MEMO1: variants seen among roughly 807,000 people sequenced by gnomAD.
MEMO1 encodes mediator of cell motility 1.
MEMO1 carries 6 observed loss-of-function variants against 45.2 expected under a neutral mutation model. The observed-to-expected ratio is 0.13, with a 90% confidence interval of 0.07 to 0.26. The LOEUF is 0.26. Ranked by LOEUF, MEMO1 falls within the 10% of genes least tolerant of loss-of-function variation. MEMO1 has a pLI of 1.00. For missense variants in MEMO1, 184 were observed against 370.5 expected (o/e 0.50, Z 4.13); for synonymous variants, 78 against 124.3 (o/e 0.63, Z 2.48).
intron 4 of MEMO1, among the ~76,000 whole-genome samples, chr2:31,928,037 T>C (rs543051813): frequency 6.6e-6 from 1 of 152,332 alleles, no homozygotes; most frequent in Non-Finnish European, 1.5e-5. Flanking sequence ...ACTACCACAA[T>C]ATCTGGATCA....
At chr2:31,917,902 G>T in intron 6 of MEMO1, 24 bp downstream of exon 6, 1 of 1,444,958 alleles carries the variant, frequency 6.9e-7, no homozygotes, top group Non-Finnish European at 9.5e-7. Flanking sequence ...ATTTCCTGGG[G>T]ATTTCTTATA....
rs996748993 is a variant in MEMO1 at position 31,968,631 on chromosome 2, G to A, written c.62-25248C>T. On this transcript the variant is annotated intron_variant, in intron 2 of 9. Transcript: ENST00000404530. ...AAGGAGGTCTCCTTTTCTTTCAATTGTTTCCCTGACAACAAAACTACTCTT... is the reference window on the plus strand; with the variant it reads ...AAGGAGGTCTCCTTTTCTTTCAATTATTTCCCTGACAACAAAACTACTCTT... Among the ~76,000 whole-genome samples, 6 of 152,212 alleles carry A rather than the reference G, an allele frequency of 3.9e-5. 2 individuals carry two copies. The South Asian group carries it at 8.3e-4, about 21-fold the overall frequency.
rs865820245 is a variant in MEMO1 at position 31,981,869 on chromosome 2, G to A, written c.61+28318C>T. ...GAAATAGACTTTTATGCATTTGTCAGACCCATATAACTGAAATCATAAATA... is the reference window on the plus strand; with the variant it reads ...GAAATAGACTTTTATGCATTTGTCAAACCCATATAACTGAAATCATAAATA... On this transcript the variant is annotated intron_variant, in intron 2 of 9. Coordinates refer to ENST00000404530, the MANE Select transcript of MEMO1 (RefSeq NM_001301833.4). 1.4e-4 allele frequency among the ~76,000 whole-genome samples: 22 copies of A among 152,172 alleles called. No homozygotes were observed. The Middle Eastern group carries it at 0.01, about 71-fold the overall frequency.
At chr2:31,960,314 A>T (rs2148405494) in intron 2 of MEMO1, among the ~76,000 whole-genome samples, 1 of 152,286 alleles carries the variant, frequency 6.6e-6, no homozygotes, top group Admixed American at 6.5e-5. Flanking sequence ...AAAAAGGAGA[A>T]TGATAATTAA....
At chr2:31,969,443 G>A (rs562736362) in intron 2 of MEMO1, among the ~76,000 whole-genome samples, 12 of 150,112 alleles carry the variant, frequency 8.0e-5, no homozygotes, top group African/African-American at 2.0e-4. Context: ...GTGTGTATAC[G>A]CATATATATC....
chr2:31,950,344 G>A (rs1405494380), intron 2 of MEMO1, among the ~76,000 whole-genome samples: 1 of 149,470 alleles, frequency 6.7e-6, no homozygotes, highest in Non-Finnish European at 1.5e-5. Context: ...TCACAGCACT[G>A]AACTCCAGCC....
At chr2:31,888,891 G>C (rs968347526) in intron 7 of MEMO1, among the ~76,000 whole-genome samples, 1 of 151,980 alleles carries the variant, frequency 6.6e-6, no homozygotes, top group African/African-American at 2.4e-5. Context: ...AAGAAAACTT[G>C]AGAGTACTTC....
At chr2:31,975,898 C>G (rs1173497501) in intron 2 of MEMO1, among the ~76,000 whole-genome samples, 6 of 151,868 alleles carry the variant, frequency 4.0e-5, no homozygotes. Context: ...TTTCCTTTTT[C>G]TTTTCTTTGC....
At chr2:31,920,961 C>T in intron 4 of MEMO1, 51 bp from the exon 5 acceptor site, 2 of 1,207,794 alleles carry the variant, frequency 1.7e-6, no homozygotes, top group Non-Finnish European at 2.4e-6. Flanking sequence ...TCTACACAAA[C>T]CTTATTAAAT....
intron 4 of MEMO1, among the ~76,000 whole-genome samples, chr2:31,927,540 A>T (rs1683286229): frequency 6.6e-6 from 1 of 152,056 alleles, no homozygotes; most frequent in Admixed American, 6.6e-5. Flanking sequence ...AACAGGGTGA[A>T]TGCATAACCA....
At chr2:31,957,752 T>C (rs1667567774) in intron 2 of MEMO1, among the ~76,000 whole-genome samples, 1 of 152,194 alleles carries the variant, frequency 6.6e-6, no homozygotes, top group Non-Finnish European at 1.5e-5. Flanking sequence ...ACAACAGTTT[T>C]ATTTGTCTAG....
intron 2 of MEMO1, among the ~76,000 whole-genome samples, chr2:31,983,037 A>C (rs977548904): frequency 6.6e-6 from 1 of 151,952 alleles, no homozygotes; most frequent in Non-Finnish European, 1.5e-5. Flanking sequence ...CCAGGAGTTC[A>C]AGACCAGCCT....
chr2:31,956,468 T>C (rs76882123), intron 2 of MEMO1, among the ~76,000 whole-genome samples: 3 of 152,358 alleles, frequency 2.0e-5, no homozygotes, highest in Non-Finnish European at 4.4e-5. Context: ...TGATACTGAT[T>C]TCCTTCTGTA....
chr2:31,922,844 T>G (rs1315642673), intron 4 of MEMO1, among the ~76,000 whole-genome samples: 1 of 152,124 alleles, frequency 6.6e-6, no homozygotes, highest in East Asian at 1.9e-4. Flanking sequence ...AGTGTATATA[T>G]GTACCACATT....
intron 2 of MEMO1, among the ~76,000 whole-genome samples, chr2:31,978,877 C>T (rs903921686): frequency 6.6e-6 from 1 of 152,068 alleles, no homozygotes; most frequent in African/African-American, 2.4e-5. Flanking sequence ...TTAGGTATGT[C>T]TCAAAATTTT....
chr2:31,967,696 G>A (rs1465936968), intron 2 of MEMO1, among the ~76,000 whole-genome samples: 1 of 151,180 alleles, frequency 6.6e-6, no homozygotes, highest in Non-Finnish European at 1.5e-5. Flanking sequence ...CATCCAGCTT[G>A]GCCTCCAAAA....
intron 2 of MEMO1, among the ~76,000 whole-genome samples, chr2:31,993,231 C>T (rs1471900408): frequency 6.6e-6 from 1 of 152,100 alleles, no homozygotes; most frequent in African/African-American, 2.4e-5. Flanking sequence ...AAGAAAAATA[C>T]ACATTAAAAC....
At chr2:31,969,383 GTA>G (rs756681947) in intron 2 of MEMO1, among the ~76,000 whole-genome samples, 49 of 148,564 alleles carry the variant, frequency 3.3e-4, no homozygotes, top group Admixed American at 4.8e-4. Context: ...ATACACATGT[GTA>G]TATATATACG....
At chr2:31,949,673 G>C (rs1395933516) in intron 2 of MEMO1, among the ~76,000 whole-genome samples, 1 of 143,816 alleles carries the variant, frequency 7.0e-6, no homozygotes, top group Non-Finnish European at 1.5e-5. Flanking sequence ...CCAGAAAGAA[G>C]GAACAGGACC....
Sources: gnomAD v4.1 joint callset for allele counts (sites outside exome capture counted in the v4.1 genomes callset) on GRCh38, gnomAD v4.1.1 for gene constraint, MANE v1.5 for transcripts, NCBI Gene and HGNC (gene_info 2026-07-23, HGNC 2026-07-21) for gene names.